COMMD1: variants seen among roughly 807,000 people sequenced by gnomAD.
COMMD1 encodes the protein COMM domain-containing protein 1.
In COMMD1, 10 loss-of-function variants were observed where a neutral mutation model predicts 17.2. The ratio of observed to expected loss-of-function variants is 0.58; its 90% CI spans 0.36 to 0.99. The LOEUF (loss-of-function observed/expected upper bound fraction) is 0.99, where lower values mean the gene tolerates loss of function less well. Ranked by LOEUF, COMMD1 falls within the 50% of genes least tolerant of loss-of-function variation. The pLI, the probability that COMMD1 is intolerant of heterozygous loss-of-function variation, is 0.01. For synonymous variants in COMMD1, 97 were observed against 91.6 expected (o/e 1.06, Z -0.34); for missense variants, 270 against 231.8 (o/e 1.17, Z -1.07).
At chr2:61,936,324 T>C (rs1006185248) in intron 1 of COMMD1, among the ~76,000 whole-genome samples, 1 of 152,152 alleles carries the variant, frequency 6.6e-6, no homozygotes, top group Non-Finnish European at 1.5e-5. Flanking sequence ...CAGTCACTTA[T>C]GTTGAATATG....
At position 62,047,128 on chromosome 2, in the gene COMMD1, G is replaced by T. The variant is rs531385668; in HGVS notation, c.462+46146G>T. ...AGAACATACCTTAAGTCTGCATATTGCTAGTACTTTACAATTTATGAGCAC... is the reference window on the plus strand; with the variant it reads ...AGAACATACCTTAAGTCTGCATATTTCTAGTACTTTACAATTTATGAGCAC... On this transcript the variant is annotated intron_variant, in intron 2 of 2. Transcript: ENST00000311832. Among the ~76,000 whole-genome samples the T allele has an allele frequency of 1.3e-4, 20 of 152,264 alleles. No individual in the cohort carries two copies. The East Asian group carries it at 3.7e-3, about 28-fold the overall frequency.
chr2:61,988,346 C>A (rs1047138838), intron 1 of COMMD1, among the ~76,000 whole-genome samples: 1 of 152,162 alleles, frequency 6.6e-6, no homozygotes, highest in Non-Finnish European at 1.5e-5. Flanking sequence ...GCTGATTATT[C>A]AGGGCTGAAA....
chr2:62,041,756 C>T (rs778455340), intron 2 of COMMD1, among the ~76,000 whole-genome samples: 3 of 152,206 alleles, frequency 2.0e-5, no homozygotes, highest in Non-Finnish European at 4.4e-5. Flanking sequence ...GATGGTGTGT[C>T]TGGAGTTCGT....
intron 1 of COMMD1, among the ~76,000 whole-genome samples, chr2:61,924,165 T>C (rs1670263659): frequency 6.6e-6 from 1 of 152,156 alleles, no homozygotes; most frequent in Admixed American, 6.5e-5. Context: ...TCAGGTGGGT[T>C]TACTTACAGG....
chr2:62,002,222 G>A (rs1668965437), intron 2 of COMMD1, among the ~76,000 whole-genome samples: 1 of 150,918 alleles, frequency 6.6e-6, no homozygotes, highest in Admixed American at 6.6e-5. Context: ...TGAGCACAGT[G>A]GCTCACACCT....
rs1295285506 is a variant in COMMD1, at chr2:61,949,417, GC to G, written c.180+43561del. The stretch of plus-strand genomic sequence containing the variant: ...CAACGAGTTCCTTCCAAACAAAGAA[GC>G]CTTAGATTCTAACCCAGCTTCAGAG... On this transcript the variant is annotated intron_variant, in intron 1 of 2. Coordinates refer to ENST00000311832, the MANE Select transcript of COMMD1 (RefSeq NM_152516.4). Among the ~76,000 whole-genome samples, 10 of 152,236 alleles carry G rather than the reference GC, an allele frequency of 6.6e-5. No individual in the cohort carries two copies. In the East Asian group the frequency reaches 1.5e-3, roughly 24 times the overall value.
At chr2:62,121,102 G>C (rs896965444) in intron 2 of COMMD1, among the ~76,000 whole-genome samples, 5 of 152,016 alleles carry the variant, frequency 3.3e-5, no homozygotes, top group African/African-American at 4.8e-5. Flanking sequence ...AGGCACAGTG[G>C]CTCACGCCTG....
chr2:62,089,311 A>C (rs1671759612), intron 2 of COMMD1, among the ~76,000 whole-genome samples: 3 of 134,004 alleles, frequency 2.2e-5, no homozygotes, highest in African/African-American at 8.4e-5. Flanking sequence ...TTTTCAGTCG[A>C]GTCTCACTCT....
intron 1 of COMMD1, among the ~76,000 whole-genome samples, chr2:61,984,770 A>G (rs1672057804): frequency 6.6e-6 from 1 of 152,168 alleles, no homozygotes; most frequent in Non-Finnish European, 1.5e-5. Context: ...GTCTCCAGCT[A>G]TTATTGTATT....
chr2:61,955,100 A>G (rs1219658328), intron 1 of COMMD1, among the ~76,000 whole-genome samples: 1 of 152,252 alleles, frequency 6.6e-6, no homozygotes, highest in Non-Finnish European at 1.5e-5. Flanking sequence ...TCCAACAGCT[A>G]AGATTTTGAA....
intron 2 of COMMD1, among the ~76,000 whole-genome samples, chr2:62,047,838 C>G (rs1670422949): frequency 6.6e-6 from 1 of 151,964 alleles, no homozygotes; most frequent in African/African-American, 2.4e-5. Flanking sequence ...TGTATTATAC[C>G]TTTTCTATGT....
chr2:62,052,782 T>A (rs557352092), intron 2 of COMMD1, among the ~76,000 whole-genome samples: 1 of 152,222 alleles, frequency 6.6e-6, no homozygotes, highest in South Asian at 2.1e-4. Flanking sequence ...ATCAAAAAAA[T>A]ATCATTCTTG....
intron 1 of COMMD1, among the ~76,000 whole-genome samples, chr2:61,900,613 ATGTC>A (rs1269843530): frequency 5.3e-5 from 8 of 152,184 alleles, no homozygotes; most frequent in African/African-American, 1.9e-4. Flanking sequence ...AGAAGGATGA[ATGTC>A]TGATCTCTTC....
At chr2:62,130,433 G>C (rs902986323) in intron 2 of COMMD1, among the ~76,000 whole-genome samples, 1 of 151,920 alleles carries the variant, frequency 6.6e-6, no homozygotes, top group Non-Finnish European at 1.5e-5. Context: ...CACCTATGTG[G>C]CCTTTTTGAA....
At chr2:62,027,621 T>TTTATGTTATGTTATG (rs56724339) in intron 2 of COMMD1, among the ~76,000 whole-genome samples, 59 of 146,672 alleles carry the variant, frequency 4.0e-4, no homozygotes, top group Middle Eastern at 6.9e-3. Context: ...TATGCCTTAA[T>TTTATGTTATGTTATG]TTATGTTATG....
chr2:62,022,448 C>CG (rs1669635412), intron 2 of COMMD1, among the ~76,000 whole-genome samples: 1 of 84,950 alleles, frequency 1.2e-5, no homozygotes, highest in Non-Finnish European at 2.5e-5. Flanking sequence ...ACCGGCGCTT[C>CG]TTTTTTTTTT....
chr2:62,090,906 A>G (rs1671807687), intron 2 of COMMD1: 1 of 152,340 alleles, frequency 6.6e-6, no homozygotes, highest in South Asian at 2.1e-4. Flanking sequence ...AATGCCTGCC[A>G]GTTGGACAAC....
At chr2:61,986,968 A>G (rs1015168856) in intron 1 of COMMD1, among the ~76,000 whole-genome samples, 2 of 151,848 alleles carry the variant, frequency 1.3e-5, no homozygotes, top group African/African-American at 4.8e-5. Context: ...CTTTTAAGAT[A>G]CTCTGATCCA....
chr2:61,962,804 A>G (rs1671390362), intron 1 of COMMD1, among the ~76,000 whole-genome samples: 1 of 152,180 alleles, frequency 6.6e-6, no homozygotes, highest in Non-Finnish European at 1.5e-5. Flanking sequence ...GGCCCCTCCC[A>G]GACCTTACCC....
Sources: allele counts gnomAD v4.1 joint callset (sites outside exome capture counted in the v4.1 genomes callset), GRCh38; gene constraint gnomAD v4.1.1; transcripts MANE v1.5; gene names NCBI Gene and HGNC (gene_info 2026-07-23, HGNC 2026-07-21).